Variants in DPP6 observed in about 807,000 individuals in gnomAD.
DPP6 encodes the protein A-type potassium channel modulatory protein DPP6.
Under a neutral mutation model 122.6 loss-of-function variants are expected in DPP6, and 69 were observed. That is an observed-to-expected ratio of 0.56 (90% CI 0.46 to 0.69). DPP6 has a LOEUF of 0.69. Ranked by LOEUF, DPP6 falls within the 30% of genes least tolerant of loss-of-function variation. The probability of loss-of-function intolerance (pLI) is 0.00; values close to 1 mark genes in which losing one functional copy is unlikely to be tolerated. For missense variants in DPP6, 928 were observed against 1,116.9 expected (o/e 0.83, Z 2.41); for synonymous variants, 418 against 433.1 (o/e 0.97, Z 0.43).
chr7:154,416,573 A>C (rs909825268), intron 1 of DPP6, among the ~76,000 whole-genome samples: 5 of 152,168 alleles, frequency 3.3e-5, no homozygotes, highest in African/African-American at 9.7e-5. Flanking sequence ...ATGACACTGT[A>C]TCATAGCTAT....
intron 2 of DPP6, among the ~76,000 whole-genome samples, chr7:154,449,391 C>T (rs1486754018): frequency 6.6e-6 from 1 of 152,116 alleles, no homozygotes; most frequent in African/African-American, 2.4e-5. Flanking sequence ...TTCACATCCA[C>T]TAGGATGATT....
At chr7:154,773,148 T>A (rs1404211842) in intron 10 of DPP6, among the ~76,000 whole-genome samples, 3 of 152,180 alleles carry the variant, frequency 2.0e-5, no homozygotes, top group African/African-American at 7.2e-5. Flanking sequence ...ATTTTTTACC[T>A]TAGGTCAGAT....
chr7:153,837,585 A>T, the DPP6 span, among the ~76,000 whole-genome samples: 1 of 152,212 alleles, frequency 6.6e-6, no homozygotes, highest in South Asian at 2.1e-4. Flanking sequence ...TATACTTTTC[A>T]ATGCTAATAC....
chr7:154,401,708 C>T (rs1815613887), intron 1 of DPP6, among the ~76,000 whole-genome samples: 1 of 152,176 alleles, frequency 6.6e-6, no homozygotes, highest in South Asian at 2.1e-4. Context: ...ATGTCTAAAA[C>T]ACCAAAAGCA....
At chr7:154,162,972 C>T (rs551947902) in intron 1 of DPP6, among the ~76,000 whole-genome samples, 1 of 151,770 alleles carries the variant, frequency 6.6e-6, no homozygotes, top group South Asian at 2.1e-4. Context: ...ACACCAGAAT[C>T]TGTGCATCGC....
chr7:153,883,933 C>T (rs780164553), upstream of DPP6, among the ~76,000 whole-genome samples: 15 of 152,156 alleles, frequency 9.9e-5, no homozygotes, highest in Non-Finnish European at 1.9e-4. Context: ...CAGGACTGGA[C>T]GCTGTTGGTT....
chr7:153,943,954 G>C (rs1017015367), intron 1 of DPP6, among the ~76,000 whole-genome samples: 3 of 152,128 alleles, frequency 2.0e-5, no homozygotes, highest in Non-Finnish European at 4.4e-5. Context: ...GGAGTCTGCA[G>C]GGTTCACTCT....
At position 154,227,646 on chromosome 7, in the gene DPP6, C is replaced by T. The variant is rs139498489; in HGVS notation, c.243+174583C>T. On this transcript the variant is annotated intron_variant, in intron 1 of 25. Coordinates refer to ENST00000377770, the MANE Select transcript of DPP6 (RefSeq NM_130797.4). ...TCTAAGAGGTCTTCCTCCTCTCACCCTGCCCCTCACTCTGCTCCTCTCCCC... is the reference window on the plus strand; with the variant it reads ...TCTAAGAGGTCTTCCTCCTCTCACCTTGCCCCTCACTCTGCTCCTCTCCCC... Among the ~76,000 whole-genome samples the T allele has an allele frequency of 1.6e-3, 240 of 151,962 alleles. 1 individual carries two copies. The highest frequency in any genetic ancestry group is 5.4e-3 in the African/African-American group (223 of 41,298).
At chr7:154,090,135 G>T (rs1393161649) in intron 1 of DPP6, among the ~76,000 whole-genome samples, 3 of 152,092 alleles carry the variant, frequency 2.0e-5, no homozygotes, top group Non-Finnish European at 2.9e-5. Flanking sequence ...GCAAAAGCGG[G>T]TGCTGTGTGG....
At chr7:154,465,600 G>A (rs1294375186) in intron 2 of DPP6, among the ~76,000 whole-genome samples, 1 of 152,114 alleles carries the variant, frequency 6.6e-6, no homozygotes, top group Admixed American at 6.5e-5. Flanking sequence ...AGAAACATAT[G>A]AAAAAAAGTT....
chr7:154,215,579 C>T (rs568062774), intron 1 of DPP6, among the ~76,000 whole-genome samples: 2 of 152,162 alleles, frequency 1.3e-5, no homozygotes, highest in African/African-American at 4.8e-5. Flanking sequence ...TCTTGTCTCT[C>T]CCAGTAGATT....
chr7:153,884,763 T>C (rs1798846125), upstream of DPP6, among the ~76,000 whole-genome samples: 1 of 152,018 alleles, frequency 6.6e-6, no homozygotes, highest in Non-Finnish European at 1.5e-5. Flanking sequence ...GCAGGTCCTC[T>C]GAGGTCAGGA....
chr7:154,313,548 T>C (rs571027410), intron 1 of DPP6, among the ~76,000 whole-genome samples: 2 of 151,220 alleles, frequency 1.3e-5, no homozygotes, highest in African/African-American at 2.4e-5. Context: ...TTTCTGAATG[T>C]GATTATTTAA....
the DPP6 span, among the ~76,000 whole-genome samples, chr7:153,783,570 C>A: frequency 2.6e-5 from 4 of 152,182 alleles, no homozygotes; most frequent in South Asian, 8.3e-4. Flanking sequence ...TAAGCTTTTT[C>A]TTTTCTTTGG....
chr7:154,739,563 C>T (rs562701256), intron 8 of DPP6, among the ~76,000 whole-genome samples: 95 of 152,296 alleles, frequency 6.2e-4, no homozygotes, highest in African/African-American at 2.2e-3. Context: ...AATATGGCAA[C>T]TTGGGAAGCG....
At chr7:153,989,407 C>G (rs1479064292) in intron 1 of DPP6, among the ~76,000 whole-genome samples, 1 of 150,904 alleles carries the variant, frequency 6.6e-6, no homozygotes, top group Non-Finnish European at 1.5e-5. Context: ...TGTACACACA[C>G]GTGTGCACAC....
At chr7:154,154,720 A>G (rs1279588207) in intron 1 of DPP6, among the ~76,000 whole-genome samples, 5 of 152,200 alleles carry the variant, frequency 3.3e-5, no homozygotes, top group Admixed American at 2.6e-4. Flanking sequence ...TCTCCTAAGA[A>G]ATGGCCATAG....
At chr7:153,844,124 G>T in the DPP6 span, among the ~76,000 whole-genome samples, 1 of 152,244 alleles carries the variant, frequency 6.6e-6, no homozygotes, top group South Asian at 2.1e-4. Flanking sequence ...CTCTTCAGGG[G>T]GAAGCACATC....
At chr7:153,755,842 TTTCTC>T in the DPP6 span, among the ~76,000 whole-genome samples, 1 of 152,192 alleles carries the variant, frequency 6.6e-6, no homozygotes, top group Admixed American at 6.5e-5. Flanking sequence ...TCTTTTTTAT[TTTCTC>T]TTCTCTTTCT....
Sources: gnomAD v4.1 joint callset for allele counts (sites outside exome capture counted in the v4.1 genomes callset) on GRCh38, gnomAD v4.1.1 for gene constraint, MANE v1.5 for transcripts, NCBI Gene and HGNC (gene_info 2026-07-23, HGNC 2026-07-21) for gene names.